Variants in KCND2 observed in about 807,000 individuals in gnomAD.
KCND2 encodes A-type voltage-gated potassium channel KCND2.
KCND2 carries 16 observed loss-of-function variants against 54.4 expected under a neutral mutation model. The observed-to-expected ratio is 0.29, with a 90% CI of 0.20 to 0.45. The LOEUF is 0.45. KCND2 is among the 20% of genes least tolerant of loss of function. KCND2 has a pLI of 1.00. For missense variants in KCND2, 486 were observed against 824.2 expected (o/e 0.59, Z 5.02); for synonymous variants, 317 against 310.7 (o/e 1.02, Z -0.21).
chr7:120,487,071 C>G (rs967087096), intron 1 of KCND2, among the ~76,000 whole-genome samples: 1 of 152,090 alleles, frequency 6.6e-6, no homozygotes, highest in African/African-American at 2.4e-5. Context: ...TACTGGAAGC[C>G]AATGTGAAAA....
chr7:120,528,984 T>C (rs2116360621), intron 1 of KCND2, among the ~76,000 whole-genome samples: 1 of 152,372 alleles, frequency 6.6e-6, no homozygotes, highest in South Asian at 2.1e-4. Flanking sequence ...GTATATCTTA[T>C]GAATTGATGT....
At chr7:120,630,418 T>A (rs368908106) in intron 1 of KCND2, among the ~76,000 whole-genome samples, 1 of 152,338 alleles carries the variant, frequency 6.6e-6, no homozygotes, top group African/African-American at 2.4e-5. Context: ...AAATTTTAGA[T>A]GTCAATTTCC....
At position 120,372,978 on chromosome 7, in the gene KCND2, C is replaced by G. The variant is rs559629346; in HGVS notation, c.1115+97231C>G. Among the ~76,000 whole-genome samples, 4 of 151,872 alleles carry G rather than the reference C, an allele frequency of 2.6e-5. No homozygotes were observed. The South Asian group carries it at 8.3e-4, about 32-fold the overall frequency. Reference sequence around the variant, plus strand: ...TAAAGTTTTACTTCGGATTTGTGCCCTTAGCTTCATTTCCCCTCAGGGATC... The same window carrying G: ...TAAAGTTTTACTTCGGATTTGTGCCGTTAGCTTCATTTCCCCTCAGGGATC... On this transcript the variant is annotated intron_variant, in intron 1 of 5. Coordinates refer to ENST00000331113, the MANE Select transcript of KCND2 (RefSeq NM_012281.3).
chr7:120,647,551 T>C (rs1793457596), intron 1 of KCND2, among the ~76,000 whole-genome samples: 1 of 152,158 alleles, frequency 6.6e-6, no homozygotes, highest in South Asian at 2.1e-4. Context: ...ATATTGAAAA[T>C]AAGGCTCTTT....
At chr7:120,656,869 G>T (rs2116553708) in intron 1 of KCND2, among the ~76,000 whole-genome samples, 1 of 152,260 alleles carries the variant, frequency 6.6e-6, no homozygotes, top group Admixed American at 6.5e-5. Flanking sequence ...GTGTATAAAG[G>T]GGAACAACAA....
chr7:120,745,686 C>T, intron 4 of KCND2, 94 bp from the exon 5 acceptor site: 1 of 1,325,236 alleles, frequency 7.5e-7, no homozygotes, highest in South Asian at 1.2e-5. Context: ...TCTAACTATA[C>T]TTGGGCAGAT....
intron 1 of KCND2, among the ~76,000 whole-genome samples, chr7:120,386,423 T>C (rs1182954067): frequency 6.6e-6 from 1 of 152,062 alleles, no homozygotes; most frequent in Non-Finnish European, 1.5e-5. Flanking sequence ...CAGGATTATC[T>C]TGGAACTCAA....
At chr7:120,717,603 A>T (rs1015229266) in intron 1 of KCND2, among the ~76,000 whole-genome samples, 2 of 152,162 alleles carry the variant, frequency 1.3e-5, no homozygotes, top group Non-Finnish European at 2.9e-5. Context: ...CATTTGAGAC[A>T]TGGAGTTGAA....
At chr7:120,542,607 CT>C (rs1275918591) in intron 1 of KCND2, among the ~76,000 whole-genome samples, 1 of 152,074 alleles carries the variant, frequency 6.6e-6, no homozygotes, top group Admixed American at 6.6e-5. Flanking sequence ...TCATGTCAAC[CT>C]GATTCCCTTT....
intron 5 of KCND2, chr7:120,746,646 C>T (rs938211155): frequency 1.2e-4 from 18 of 153,056 alleles, no homozygotes; most frequent in African/African-American, 4.3e-4. Context: ...TGATATATTT[C>T]CTTTGCTTTT....
At position 120,720,339 on chromosome 7, in the gene KCND2, A is replaced by G. The variant is rs867290804; in HGVS notation, c.1116-12564A>G. 3.5e-4 allele frequency among the ~76,000 whole-genome samples: 54 copies of G among 152,268 alleles called. No homozygotes were observed. In the Middle Eastern group the frequency reaches 0.01, roughly 29 times the overall value. On this transcript the variant is annotated intron_variant, in intron 1 of 5. Transcript: ENST00000331113. ...GGGAGGGCTGGAGACAAACAGCAAT[A>G]CAACAGCTCTGCATCTGCTTCATAA...
chr7:120,500,351 A>T (rs1035215115), intron 1 of KCND2, among the ~76,000 whole-genome samples: 2 of 152,162 alleles, frequency 1.3e-5, no homozygotes, highest in Non-Finnish European at 2.9e-5. Context: ...CATGTCCCTT[A>T]GGTACTTTGC....
chr7:120,401,635 TA>T (rs1801255185), intron 1 of KCND2, among the ~76,000 whole-genome samples: 1 of 152,142 alleles, frequency 6.6e-6, no homozygotes, highest in South Asian at 2.1e-4. Context: ...ACTGTGTTTA[TA>T]AGGCGTCAGT....
chr7:120,704,132 T>C (rs1274946574), intron 1 of KCND2, among the ~76,000 whole-genome samples: 1 of 152,188 alleles, frequency 6.6e-6, no homozygotes, highest in African/African-American at 2.4e-5. Context: ...CTCCTTCTAA[T>C]AGAATCTTGA....
intron 1 of KCND2, among the ~76,000 whole-genome samples, chr7:120,328,599 G>C (rs570755178): frequency 6.6e-6 from 1 of 152,126 alleles, no homozygotes; most frequent in Non-Finnish European, 1.5e-5. Flanking sequence ...TAATGAATGA[G>C]TGAGTGAATT....
chr7:120,678,114 C>A (rs528705285), intron 1 of KCND2, among the ~76,000 whole-genome samples: 1 of 151,880 alleles, frequency 6.6e-6, no homozygotes, highest in East Asian at 1.9e-4. Context: ...CTTATCAGAA[C>A]AGAATACATT....
intron 1 of KCND2, among the ~76,000 whole-genome samples, chr7:120,529,924 T>G (rs902472838): frequency 6.6e-6 from 1 of 151,880 alleles, no homozygotes; most frequent in Non-Finnish European, 1.5e-5. Flanking sequence ...TCTAAAAAAA[T>G]TTAAAAATTA....
At chr7:120,384,302 A>G (rs1042222114) in intron 1 of KCND2, among the ~76,000 whole-genome samples, 1 of 152,130 alleles carries the variant, frequency 6.6e-6, no homozygotes, top group African/African-American at 2.4e-5. Context: ...AAGAAGTTAT[A>G]CACATAACTT....
At chr7:120,622,687 A>ACT (rs1299824907) in intron 1 of KCND2, among the ~76,000 whole-genome samples, 3 of 143,264 alleles carry the variant, frequency 2.1e-5, no homozygotes, top group East Asian at 2.2e-4. Context: ...ACACACACAC[A>ACT]CACTCTCTCT....
Sources: gnomAD v4.1 joint callset for allele counts (sites outside exome capture counted in the v4.1 genomes callset) on GRCh38, gnomAD v4.1.1 for gene constraint, MANE v1.5 for transcripts, NCBI Gene and HGNC (gene_info 2026-07-23, HGNC 2026-07-21) for gene names.